Variants in DMRT1 observed in about 807,000 individuals in gnomAD.
DMRT1 encodes the protein doublesex and mab-3 related transcription factor 1, also known as doublesex- and mab-3-related transcription factor 1.
DMRT1 carries 7 observed loss-of-function variants against 32.3 expected under a neutral mutation model. The observed-to-expected ratio is 0.22, with a 90% CI of 0.12 to 0.41. The LOEUF (loss-of-function observed/expected upper bound fraction) is 0.41. DMRT1 is among the 10% of genes least tolerant of loss of function. DMRT1 has a pLI of 1.00. For missense variants in DMRT1, 625 were observed against 500.5 expected, an observed-to-expected ratio of 1.25 and a Z score of -2.37; for synonymous variants, 278 against 206.1, an observed-to-expected ratio of 1.35 and a Z score of -2.99.
At chr9:904,668 G>A (rs1236772632) in intron 3 of DMRT1, among the ~76,000 whole-genome samples, 2 of 152,196 alleles carry the variant, frequency 1.3e-5, no homozygotes, top group African/African-American at 2.4e-5. Flanking sequence ...CATGTGGCCG[G>A]GTGCTATGGC....
At chr9:859,603 C>G (rs894327883) in intron 2 of DMRT1, among the ~76,000 whole-genome samples, 1 of 152,194 alleles carries the variant, frequency 6.6e-6, no homozygotes, top group Non-Finnish European at 1.5e-5. Context: ...TTTGAGTCTC[C>G]TATGAAAATT....
intron 4 of DMRT1, among the ~76,000 whole-genome samples, chr9:933,680 A>G (rs1818797186): frequency 6.6e-6 from 1 of 152,228 alleles, no homozygotes; most frequent in African/African-American, 2.4e-5. Flanking sequence ...TGGAAAATGC[A>G]ATTCCTCTGT....
chr9:861,374 G>A lies in DMRT1; in HGVS notation c.538+14231G>A, dbSNP rs540910279. Among the ~76,000 whole-genome samples the A allele has an allele frequency of 2.6e-4, 40 of 152,176 alleles. No homozygotes were observed. The South Asian group carries it at 5.0e-3, about 19-fold the overall frequency. On this transcript the variant is annotated intron_variant, in intron 2 of 4. Coordinates refer to ENST00000382276, the MANE Select transcript of DMRT1 (RefSeq NM_021951.3). Reference sequence around the variant, plus strand: ...ACACAGCACATGTTTCAGAGAGCACGGGGTTGGGGGTAAGGTTATAGATTA... The same window carrying A: ...ACACAGCACATGTTTCAGAGAGCACAGGGTTGGGGGTAAGGTTATAGATTA...
At chr9:864,283 C>T (rs905553273) in intron 2 of DMRT1, among the ~76,000 whole-genome samples, 1 of 150,616 alleles carries the variant, frequency 6.6e-6, no homozygotes, top group Admixed American at 6.6e-5. Flanking sequence ...CGGCTCACTG[C>T]AGCCTCTGCC....
intron 1 of DMRT1, among the ~76,000 whole-genome samples, chr9:844,733 T>A (rs1405149515): frequency 6.7e-6 from 1 of 148,658 alleles, no homozygotes; most frequent in Non-Finnish European, 1.5e-5. Flanking sequence ...TTTTTTTTTT[T>A]TTTTGAGACA....
At chr9:940,408 G>C (rs1248973777) in intron 4 of DMRT1, among the ~76,000 whole-genome samples, 1 of 152,018 alleles carries the variant, frequency 6.6e-6, no homozygotes, top group African/African-American at 2.4e-5. Context: ...ACTCCCACAT[G>C]TATGGTCAAA....
chr9:901,364 T>G (rs1173511071), intron 3 of DMRT1, among the ~76,000 whole-genome samples: 1 of 152,008 alleles, frequency 6.6e-6, no homozygotes, highest in Non-Finnish European at 1.5e-5. Context: ...CCTCACTCTG[T>G]TGCCCAGGCT....
chr9:878,239 G>A (rs1302699457), intron 2 of DMRT1, among the ~76,000 whole-genome samples: 1 of 119,194 alleles, frequency 8.4e-6, no homozygotes, highest in Non-Finnish European at 1.6e-5. Context: ...CCTGTCTTAA[G>A]GTAATCACAG....
intron 2 of DMRT1, among the ~76,000 whole-genome samples, chr9:891,118 T>C (rs543849224): frequency 7.5e-4 from 114 of 152,064 alleles, no homozygotes; most frequent in African/African-American, 2.4e-3. Flanking sequence ...GGTGGTTTGA[T>C]TGCTGGAGCT....
chr9:957,812 C>T (rs576754792), intron 4 of DMRT1, among the ~76,000 whole-genome samples: 14 of 152,068 alleles, frequency 9.2e-5, no homozygotes, highest in Admixed American at 8.5e-4. Flanking sequence ...GAGTTCGAGA[C>T]CAGCCTGACC....
intron 2 of DMRT1, among the ~76,000 whole-genome samples, chr9:892,525 C>T (rs550797360): frequency 6.6e-6 from 1 of 152,264 alleles, no homozygotes; most frequent in East Asian, 1.9e-4. Flanking sequence ...CGTTTCATCC[C>T]CCACATGTCC....
chr9:884,049 G>C (rs1029470313), intron 2 of DMRT1, among the ~76,000 whole-genome samples: 3 of 152,122 alleles, frequency 2.0e-5, no homozygotes, highest in Non-Finnish European at 4.4e-5. Context: ...TTTACTGTTT[G>C]TAAATGGTAA....
chr9:948,590 C>T (rs1437903159), intron 4 of DMRT1, among the ~76,000 whole-genome samples: 1 of 149,612 alleles, frequency 6.7e-6, no homozygotes, highest in Non-Finnish European at 1.5e-5. Flanking sequence ...GTGTTGGGGC[C>T]CAGAAGGCTC....
intron 3 of DMRT1, among the ~76,000 whole-genome samples, chr9:899,700 G>C (rs537062344): frequency 4.6e-5 from 7 of 152,318 alleles, no homozygotes; most frequent in African/African-American, 1.7e-4. Context: ...ATTGCCTTGT[G>C]CACTCCTCCA....
At chr9:922,356 G>T (rs1818382304) in intron 4 of DMRT1, among the ~76,000 whole-genome samples, 1 of 152,184 alleles carries the variant, frequency 6.6e-6, no homozygotes, top group South Asian at 2.1e-4. Flanking sequence ...ATATAAGAAT[G>T]TGGCCACTTC....
chr9:937,575 A>G (rs1410214811), intron 4 of DMRT1, among the ~76,000 whole-genome samples: 2 of 151,978 alleles, frequency 1.3e-5, no homozygotes, highest in African/African-American at 4.8e-5. Flanking sequence ...CATGAGTTTG[A>G]TTTGCGTTTC....
chr9:954,799 G>A (rs183342288), intron 4 of DMRT1, among the ~76,000 whole-genome samples: 3 of 151,790 alleles, frequency 2.0e-5, no homozygotes, highest in East Asian at 1.9e-4. Context: ...GTGCCACCAC[G>A]CCCAGATAAT....
In DMRT1 at chr9:930,672, TGCTGGGATTACAGACATGA is replaced by T. The variant is rs1375476933; in HGVS notation, c.967+13768_967+13786del. Among the ~76,000 whole-genome samples, 8 of 152,212 alleles carry T rather than the reference TGCTGGGATTACAGACATGA, an allele frequency of 5.3e-5. No homozygotes were observed. The East Asian group carries it at 1.6e-3, about 30-fold the overall frequency. ...ATCTGCCTGCCTCAGCTTCCCAAAG[TGCTGGGATTACAGACATGA>T]GCCACCGCACCCGGCCAATTTTAAA... On this transcript the variant is annotated intron_variant, in intron 4 of 4. Transcript: ENST00000382276.
intron 2 of DMRT1, among the ~76,000 whole-genome samples, chr9:884,214 C>G (rs1049166063): frequency 1.3e-5 from 2 of 152,056 alleles, no homozygotes; most frequent in African/African-American, 4.8e-5. Context: ...CAAGCCTTCA[C>G]CCACCTTAAA....
Sources: allele counts gnomAD v4.1 joint callset (sites outside exome capture counted in the v4.1 genomes callset), GRCh38; gene constraint gnomAD v4.1.1; transcripts MANE v1.5; gene names NCBI Gene and HGNC (gene_info 2026-07-23, HGNC 2026-07-21).